PLEKHA5: variants seen among roughly 807,000 people sequenced by gnomAD.
The protein encoded by PLEKHA5 is pleckstrin homology domain-containing family A member 5.
In PLEKHA5, 55 loss-of-function variants were observed where a neutral mutation model predicts 181.9. The observed-to-expected ratio is 0.30, with a 90% CI of 0.24 to 0.38. PLEKHA5 has a LOEUF of 0.38. PLEKHA5 is among the 10% of genes least tolerant of loss of function. The pLI is 1.00. For synonymous variants in PLEKHA5, 535 were observed against 529.4 expected (o/e 1.01, Z -0.15); for missense variants, 1,432 against 1,549.5 (o/e 0.92, Z 1.27).
chr12:19,288,747 G>A (rs2077766223), intron 13 of PLEKHA5, among the ~76,000 whole-genome samples: 1 of 152,124 alleles, frequency 6.6e-6, no homozygotes, highest in African/African-American at 2.4e-5. Flanking sequence ...TAGATTGTTG[G>A]CCTGACAAAT....
intron 3 of PLEKHA5, among the ~76,000 whole-genome samples, chr12:19,250,734 A>T (rs1342214311): frequency 6.6e-6 from 1 of 152,156 alleles, no homozygotes; most frequent in African/African-American, 2.4e-5. Context: ...TTTTTAAGTG[A>T]CACCTTGTTT....
chr12:19,136,075 A>G (rs1364277990), intron 3 of PLEKHA5, among the ~76,000 whole-genome samples: 2 of 151,878 alleles, frequency 1.3e-5, no homozygotes, highest in South Asian at 4.2e-4. Flanking sequence ...TGAGAGAGAC[A>G]GGGTCTTCCT....
intron 15 of PLEKHA5, among the ~76,000 whole-genome samples, chr12:19,292,837 G>C (rs1592350816): frequency 6.6e-6 from 1 of 152,252 alleles, no homozygotes; most frequent in Non-Finnish European, 1.5e-5. Flanking sequence ...TACTTGGGAG[G>C]CTGAGGCAGG....
At chr12:19,368,065 T>C (rs1439787687) in intron 30 of PLEKHA5, among the ~76,000 whole-genome samples, 2 of 151,974 alleles carry the variant, frequency 1.3e-5, no homozygotes, top group African/African-American at 2.4e-5. Context: ...ATATAACGTG[T>C]ATGTTATAAA....
At chr12:19,215,320 T>A (rs1170824904) in intron 3 of PLEKHA5, among the ~76,000 whole-genome samples, 1 of 152,168 alleles carries the variant, frequency 6.6e-6, no homozygotes, top group Non-Finnish European at 1.5e-5. Context: ...AATATAAAAA[T>A]ATGTTATGAG....
intron 3 of PLEKHA5, among the ~76,000 whole-genome samples, chr12:19,191,543 A>G (rs1278157798): frequency 6.6e-6 from 1 of 152,216 alleles, no homozygotes; most frequent in East Asian, 1.9e-4. Flanking sequence ...CCAAGAACCA[A>G]AATATTCAGT....
chr12:19,345,281 T>G (rs867829559), intron 22 of PLEKHA5, among the ~76,000 whole-genome samples: 5 of 151,692 alleles, frequency 3.3e-5, no homozygotes, highest in African/African-American at 1.2e-4. Flanking sequence ...GCACCTATAG[T>G]CCCAGCTGCT....
At chr12:19,210,080 G>A (rs963318222) in intron 3 of PLEKHA5, among the ~76,000 whole-genome samples, 2 of 152,064 alleles carry the variant, frequency 1.3e-5, no homozygotes, top group African/African-American at 2.4e-5. Context: ...AGTTAATAAC[G>A]TGAAAAAGAC....
At chr12:19,365,883 G>A in intron 29 of PLEKHA5, 81 bp from the exon 30 acceptor site, 3 of 812,340 alleles carry the variant, frequency 3.7e-6, no homozygotes, top group Non-Finnish European at 5.6e-6. Context: ...CATAGGTGGT[G>A]GCATCTTTTA....
chr12:19,190,768 G>C (rs960257540), intron 3 of PLEKHA5, among the ~76,000 whole-genome samples: 1 of 152,308 alleles, frequency 6.6e-6, no homozygotes, highest in African/African-American at 2.4e-5. Flanking sequence ...TTGTCCCAAA[G>C]GAGAAGAGAC....
intron 3 of PLEKHA5, chr12:19,200,776 T>G: frequency 7.3e-6 from 5 of 682,872 alleles, no homozygotes; most frequent in Non-Finnish European, 9.0e-6. Context: ...CAATAAATGA[T>G]GTTATGATAA....
Position 19,220,185 on chromosome 12 carries a change from A to C in PLEKHA5, c.228-33755A>C, listed in dbSNP as rs1465628513. The stretch of plus-strand genomic sequence containing the variant: ...ACAGAGAAAGTCCAAGAAACTCTCC[A>C]ATTGCTTTTTTCTCTTTTCTTTTTT... On this transcript the variant is annotated intron_variant, in intron 3 of 31. Transcript: ENST00000429027. 2.2e-5 allele frequency among the ~76,000 whole-genome samples: 3 copies of C among 136,776 alleles called. No individual in the cohort carries two copies. In the East Asian group the frequency reaches 6.3e-4, roughly 29 times the overall value. 89.7% of individuals were successfully genotyped at this position (136,776 alleles called of 152,430 possible).
Position 19,283,735 on chromosome 12 carries a change from A to C in PLEKHA5, c.1769A>C (p.His590Pro). The C allele has an allele frequency of 6.2e-7, 1 of 1,609,962 alleles. No individual in the cohort carries two copies. The highest frequency in any genetic ancestry group is 8.5e-7 in the Non-Finnish European group (1 of 1,176,676). ...DVTIDRRHRA[H>P]HPKHVYVPDR... is the part of the protein sequence containing the mutation. The stretch of plus-strand genomic sequence containing the variant: ...ACAATAGACCGCAGACACAGGGCCC[A>C]TCACCCTAAGGTAAAATAGCTGCTG... The change falls in exon 12 of 32, where the codon CAT becomes CCT. Residue 590 changes from histidine (H) to proline (P), a missense_variant. This residue lies in a region of PLEKHA5 where 1,143 missense variants were observed against 1,168.4 expected (regional missense o/e 0.98). Transcript: ENST00000429027.
intron 26 of PLEKHA5, among the ~76,000 whole-genome samples, chr12:19,355,962 C>T (rs2094903507): frequency 2.0e-5 from 3 of 151,782 alleles, no homozygotes; most frequent in Admixed American, 2.0e-4. Flanking sequence ...GTCAGGAGTT[C>T]GAGACCAGCC....
chr12:19,299,876 G>A (rs757303624), intron 15 of PLEKHA5, among the ~76,000 whole-genome samples: 1 of 152,104 alleles, frequency 6.6e-6, no homozygotes, highest in Non-Finnish European at 1.5e-5. Context: ...ACAAAAAAAA[G>A]TCTCTTTTTG....
At chr12:19,200,573 T>C in intron 3 of PLEKHA5, 2 of 1,228,568 alleles carry the variant, frequency 1.6e-6, no homozygotes, top group Non-Finnish European at 2.0e-6. Flanking sequence ...TAGTAGATCA[T>C]ACCTTGGAGA....
chr12:19,311,562 C>G (rs529836417), intron 15 of PLEKHA5, among the ~76,000 whole-genome samples: 1 of 152,224 alleles, frequency 6.6e-6, no homozygotes, highest in African/African-American at 2.4e-5. Context: ...TTCACAGTAC[C>G]TTCACCAGGA....
intron 3 of PLEKHA5, among the ~76,000 whole-genome samples, chr12:19,140,869 A>G (rs555430576): frequency 1.4e-3 from 216 of 152,230 alleles, no homozygotes; most frequent in Non-Finnish European, 2.8e-3. Context: ...GTTCACTGCA[A>G]CCTCTGCCTC....
intron 3 of PLEKHA5, among the ~76,000 whole-genome samples, chr12:19,143,139 C>T (rs972548331): frequency 2.6e-5 from 4 of 152,132 alleles, no homozygotes; most frequent in Non-Finnish European, 4.4e-5. Context: ...TGGGTATACA[C>T]CCAGAGGTGG....
Sources: gnomAD v4.1 joint callset for allele counts (sites outside exome capture counted in the v4.1 genomes callset) on GRCh38, gnomAD v4.1.1 for gene constraint, gnomAD v4.1.1 regional missense constraint, MANE v1.5 for transcripts, NCBI Gene and HGNC (gene_info 2026-07-23, HGNC 2026-07-21) for gene names.